Variants in GREB1L observed in about 807,000 individuals in gnomAD.
The protein encoded by GREB1L is GREB1 like retinoic acid receptor coactivator, also known as GREB1-like protein.
Under a neutral mutation model 200.8 loss-of-function variants are expected in GREB1L, and 17 were observed. That is an observed-to-expected ratio of 0.08 (90% CI 0.06 to 0.13). The LOEUF is 0.13. Ranked by LOEUF, GREB1L falls within the 10% of genes least tolerant of loss-of-function variation. The probability of loss-of-function intolerance (pLI) is 1.00; values close to 1 mark genes in which losing one functional copy is unlikely to be tolerated. For missense variants in GREB1L, 1,657 were observed against 2,367.7 expected (o/e 0.70, Z 6.23); for synonymous variants, 789 against 893.0 (o/e 0.88, Z 2.08).
intron 1 of GREB1L, among the ~76,000 whole-genome samples, chr18:21,274,011 G>A (rs2038121718): frequency 1.3e-5 from 2 of 152,170 alleles, no homozygotes; most frequent in African/African-American, 4.8e-5. Context: ...CTGTCTTAGT[G>A]CATTTTGGTT....
At position 21,525,410 on chromosome 18, in the gene GREB1L, A is replaced by T. The variant is rs1248363162; in HGVS notation, c.*2589A>T. The T allele has an allele frequency of 6.6e-6, 1 of 150,990 alleles. No individual in the cohort carries two copies. The highest frequency in any genetic ancestry group is 2.4e-5 in the African/African-American group (1 of 41,040). 9.4% of individuals were successfully genotyped at this position (150,990 alleles called of 1,614,324 possible). ...GCTTAATGTATTAAAGTTATCTCCC[A>T]CCCCCTCCAAAAAGTTATTTTTTCT... is the stretch of plus-strand genomic sequence containing the variant. On this transcript the variant is annotated 3_prime_UTR_variant, in exon 33 of 33. Coordinates refer to ENST00000424526, the MANE Select transcript of GREB1L (RefSeq NM_001142966.3).
At chr18:21,521,586 T>C (rs1382766740) in intron 32 of GREB1L, among the ~76,000 whole-genome samples, 4 of 151,212 alleles carry the variant, frequency 2.6e-5, no homozygotes, top group African/African-American at 7.3e-5. Context: ...GATGGGGGAG[T>C]GGTAGATTTT....
At chr18:21,302,967 C>T (rs368258611) in intron 1 of GREB1L, among the ~76,000 whole-genome samples, 3 of 152,050 alleles carry the variant, frequency 2.0e-5, no homozygotes, top group Non-Finnish European at 2.9e-5. Flanking sequence ...GTGATCCACC[C>T]GCCTCCGCCC....
chr18:21,323,824 C>T (rs1236565232), intron 1 of GREB1L, among the ~76,000 whole-genome samples: 1 of 152,146 alleles, frequency 6.6e-6, no homozygotes, highest in Admixed American at 6.5e-5. Context: ...GAGGTGCTCT[C>T]ACACATTGTT....
In GREB1L at chr18:21,441,504, A is replaced by G. The variant is rs2033899443; in HGVS notation, c.1174A>G (p.Ser392Gly). The stretch of plus-strand genomic sequence containing the variant: ...TGTAATTGTTCCTGAAAACCTGCTG[A>G]GTAACTCAGGAGTTAGACCAGTAAT... ...ETVIVPENLL[S>G]NSGVRPVILI... The change falls in exon 10 of 33, where the codon AGT becomes GGT. Residue 392 changes from serine (S) to glycine (G), a missense_variant. Ser to Gly is a moderately conservative substitution (Grantham distance 56). This residue lies in a region of GREB1L where 289 missense variants were observed against 345.1 expected (regional missense o/e 0.84). Transcript: ENST00000424526. 9.0e-6 allele frequency: 14 copies of G among 1,551,566 alleles called. No homozygotes were observed. In the East Asian group the frequency reaches 3.4e-4, roughly 38 times the overall value.
At chr18:21,376,946 C>T (rs1458739635) in intron 2 of GREB1L, among the ~76,000 whole-genome samples, 1 of 150,804 alleles carries the variant, frequency 6.6e-6, no homozygotes, top group Non-Finnish European at 1.5e-5. Flanking sequence ...TGTAAAATTA[C>T]AAAAGGACAA....
intron 15 of GREB1L, among the ~76,000 whole-genome samples, chr18:21,458,631 A>T (rs1469181632): frequency 6.6e-6 from 1 of 152,224 alleles, no homozygotes; most frequent in African/African-American, 2.4e-5. Flanking sequence ...CTCAGCACAC[A>T]TTCTGATGAA....
chr18:21,418,558 C>G (rs996664771), intron 7 of GREB1L, among the ~76,000 whole-genome samples: 44 of 152,140 alleles, frequency 2.9e-4, no homozygotes, highest in Non-Finnish European at 5.9e-5. Context: ...GAGTATCACT[C>G]TGTTGCCCAG....
intron 7 of GREB1L, among the ~76,000 whole-genome samples, chr18:21,416,544 T>G (rs372847201): frequency 6.6e-6 from 1 of 151,830 alleles, no homozygotes; most frequent in African/African-American, 2.4e-5. Context: ...TACAAAAAAT[T>G]AGCCGGGCGT....
intron 1 of GREB1L, among the ~76,000 whole-genome samples, chr18:21,246,223 T>G (rs556062437): frequency 1.3e-5 from 2 of 152,164 alleles, no homozygotes; most frequent in Non-Finnish European, 2.9e-5. Context: ...TCTCAGAACT[T>G]TAGCTTACTA....
chr18:21,491,435 C>T (rs775909656), intron 19 of GREB1L, among the ~76,000 whole-genome samples: 6 of 151,958 alleles, frequency 3.9e-5, no homozygotes, highest in African/African-American at 7.3e-5. Context: ...CTGGGCTGGG[C>T]GCAGTGGCTC....
At chr18:21,368,206 A>C (rs1311043868) in intron 2 of GREB1L, among the ~76,000 whole-genome samples, 1 of 152,218 alleles carries the variant, frequency 6.6e-6, no homozygotes, top group Non-Finnish European at 1.5e-5. Flanking sequence ...ATACACATAA[A>C]TGTAAGGCTT....
Position 21,401,091 on chromosome 18 carries a change from C to T in GREB1L, c.533-59C>T, listed in dbSNP as rs146177009. 6,482 of 1,356,266 alleles carry T rather than the reference C, an allele frequency of 4.8e-3. 420 individuals are homozygous for T. The Admixed American group carries it at 0.12, about 25-fold the overall frequency. The allele number at this position is 1,356,266 out of a possible 1,614,324, so 84.0% of individuals were successfully genotyped here. On this transcript the variant is annotated intron_variant, in intron 5 of 32. Transcript: ENST00000424526. ...GTGAATGTTTCTATGCTGTTTAATA[C>T]GTAAAAGTATTGTATCAACTTACAA...
At chr18:21,510,453 G>A (rs921121760) in intron 27 of GREB1L, among the ~76,000 whole-genome samples, 1 of 152,118 alleles carries the variant, frequency 6.6e-6, no homozygotes, top group Non-Finnish European at 1.5e-5. Context: ...GTCCTTTAGT[G>A]ACTGACTGGC....
chr18:21,325,893 T>C (rs912917646), intron 1 of GREB1L, among the ~76,000 whole-genome samples: 1 of 150,548 alleles, frequency 6.6e-6, no homozygotes, highest in African/African-American at 2.4e-5. Flanking sequence ...ATTCTCTTTA[T>C]AATCTCTATG....
chr18:21,353,911 G>A lies in GREB1L; in HGVS notation c.-119-12116G>A, dbSNP rs1242607780. Among the ~76,000 whole-genome samples the A allele has an allele frequency of 3.9e-5, 6 of 151,950 alleles. No individual in the cohort carries two copies. The East Asian group carries it at 5.8e-4, about 15-fold the overall frequency. On this transcript the variant is annotated intron_variant, in intron 1 of 32. Transcript: ENST00000424526. ...AGTGATTCTCATGCCTCAGCCTCCC[G>A]AGTAGCTGGGATTACAGGTGCATAC...
intron 19 of GREB1L, among the ~76,000 whole-genome samples, chr18:21,494,179 C>A (rs563919496): frequency 6.6e-6 from 1 of 152,162 alleles, no homozygotes; most frequent in East Asian, 1.9e-4. Flanking sequence ...TTAAAAAAAT[C>A]TTTTTGACAC....
intron 27 of GREB1L, among the ~76,000 whole-genome samples, chr18:21,509,874 T>G (rs956788940): frequency 2.0e-5 from 3 of 152,094 alleles, no homozygotes; most frequent in Non-Finnish European, 4.4e-5. Flanking sequence ...AATATACAAA[T>G]TATTATTTTT....
At chr18:21,392,656 T>A (rs1280237775) in intron 4 of GREB1L, among the ~76,000 whole-genome samples, 2 of 152,164 alleles carry the variant, frequency 1.3e-5, no homozygotes, top group Non-Finnish European at 2.9e-5. Context: ...TTTCTTCTGT[T>A]GACTTTTCCC....
Sources: gnomAD v4.1 joint callset for allele counts (sites outside exome capture counted in the v4.1 genomes callset) on GRCh38, gnomAD v4.1.1 for gene constraint, gnomAD v4.1.1 regional missense constraint, MANE v1.5 for transcripts, NCBI Gene and HGNC (gene_info 2026-07-23, HGNC 2026-07-21) for gene names.